Variants in ZFYVE26 observed in about 807,000 individuals in gnomAD.
The protein encoded by ZFYVE26 is zinc finger FYVE-type containing 26, also known as zinc finger FYVE domain-containing protein 26.
In ZFYVE26, 181 loss-of-function variants were observed where a neutral mutation model predicts 276.5. That is an observed-to-expected ratio of 0.65 (90% CI 0.58 to 0.74). The LOEUF (loss-of-function observed/expected upper bound fraction) is 0.74, where lower values mean the gene tolerates loss of function less well. Ranked by LOEUF, ZFYVE26 falls within the 30% of genes least tolerant of loss-of-function variation. The pLI, the probability that ZFYVE26 is intolerant of heterozygous loss-of-function variation, is 0.00. For synonymous variants in ZFYVE26, 1,129 were observed against 1,203.1 expected (o/e 0.94, Z 1.27); for missense variants, 2,821 against 3,097.9 (o/e 0.91, Z 2.12).
Position 67,783,092 on chromosome 14 carries a change from G to A in ZFYVE26, c.4060C>T (p.Arg1354Trp), listed in dbSNP as rs370890942. The A allele has an allele frequency of 2.2e-5, 35 of 1,613,044 alleles. No individual in the cohort carries two copies. The highest frequency in any genetic ancestry group is 5.3e-5 in the African/African-American group (4 of 75,026). Residue 1354 changes from arginine to tryptophan, a missense_variant, in exon 21 of 42, where the codon CGG becomes TGG. By Grantham distance (101) the Arg-to-Trp change is moderately radical. Transcript: ENST00000347230. ...EVPLAAEQVARECERLLEQFP... is the reference protein window; with the variant it reads ...EVPLAAEQVAWECERLLEQFP... ...TGTTCCAGAAGGCGCTCACACTCCCGGGCTACCTGCTCTGCAGCCAGAGGC... is the reference window on the plus strand; with the variant it reads ...TGTTCCAGAAGGCGCTCACACTCCCAGGCTACCTGCTCTGCAGCCAGAGGC...
At chr14:67,761,974 C>CT in intron 34 of ZFYVE26, 1 of 589,332 alleles carries the variant, frequency 1.7e-6, no homozygotes, top group East Asian at 2.9e-5. Context: ...TCATTTTTAT[C>CT]TTTTTAAAAA....
chr14:67,787,632 A>G (rs1029817438), intron 16 of ZFYVE26, among the ~76,000 whole-genome samples: 6 of 152,190 alleles, frequency 3.9e-5, no homozygotes, highest in African/African-American at 1.4e-4. Context: ...TTCCTCATTG[A>G]TTGACCTGAA....
chr14:67,789,657 T>C (rs1156949449), intron 15 of ZFYVE26, 59 bp from the exon 16 acceptor site: 2 of 1,609,338 alleles, frequency 1.2e-6, no homozygotes, highest in African/African-American at 2.7e-5. Context: ...ACTACAACTT[T>C]TATTAGGTAA....
intron 26 of ZFYVE26, 30 bp downstream of exon 26, chr14:67,775,830 A>G: frequency 6.2e-7 from 1 of 1,613,974 alleles, no homozygotes; most frequent in Non-Finnish European, 8.5e-7. Flanking sequence ...TCCTCCATGT[A>G]GAATCCCCTT....
rs970442327 is a variant in ZFYVE26 at position 67,805,233 on chromosome 14, A to C, written c.1255T>G (p.Cys419Gly). ...GGGCCATACCTGCTCTGCTGTATGC[A>C]CCACTCCAGGACCTCCAGGTGAGCC... is the stretch of plus-strand genomic sequence containing the variant. ...LWAHLEVLEW[C>G]IQQSSNPIPK... Residue 419 changes from cysteine (C) to glycine (G), a missense_variant, in exon 8 of 42, where the codon TGC (cysteine) becomes GGC (glycine). Cys to Gly is a radical substitution (Grantham distance 159). Transcript: ENST00000347230. 4.3e-6 allele frequency: 7 copies of C among 1,613,862 alleles called. No individual in the cohort carries two copies. In the Admixed American group the frequency reaches 6.7e-5, roughly 15 times the overall value.
chr14:67,778,802 G>T (rs2039420755), intron 23 of ZFYVE26, among the ~76,000 whole-genome samples: 1 of 149,154 alleles, frequency 6.7e-6, no homozygotes, highest in South Asian at 2.1e-4. Context: ...ATTCCCACAT[G>T]GTGGTGTCTG....
intron 12 of ZFYVE26, chr14:67,797,415 A>G: frequency 1.9e-6 from 1 of 530,796 alleles, no homozygotes; most frequent in South Asian, 2.1e-5. Flanking sequence ...ATATAAATGA[A>G]AAAAGCAAGC....
At position 67,768,525 on chromosome 14, in the gene ZFYVE26, T is replaced by C. The variant is rs778020099; in HGVS notation, c.5645A>G (p.Lys1882Arg). ...ACGGGATTTGGCCTTACCTTCTGGT[T>C]TTTCTGAAGGCTCCTCTGGTACACT... ...NKDVPEEPSE[K>R]PEALDSSKNE... The change falls in exon 30 of 42, where the codon AAA becomes AGA. Residue 1882 changes from lysine to arginine, a missense_variant. Lys to Arg is a conservative substitution (Grantham distance 26, BLOSUM62 2). Coordinates refer to ENST00000347230, the MANE Select transcript of ZFYVE26 (RefSeq NM_015346.4). 6.2e-7 allele frequency: 1 copy of C among 1,614,154 alleles called. No individual in the cohort carries two copies. Among genetic ancestry groups the C allele is most frequent in the South Asian group, 1.1e-5 (1 of 91,078 alleles).
At chr14:67,771,169 T>C (rs1309226112) in intron 28 of ZFYVE26, among the ~76,000 whole-genome samples, 7 of 152,120 alleles carry the variant, frequency 4.6e-5, no homozygotes, top group Non-Finnish European at 1.0e-4. Context: ...GTTGTTCCCC[T>C]TTTTCTGTCC....
chr14:67,786,292 A>AT, intron 16 of ZFYVE26, 59 bp from the exon 17 acceptor site: 1 of 1,358,596 alleles, frequency 7.4e-7, no homozygotes, highest in Non-Finnish European at 9.9e-7. Flanking sequence ...GTTTTCAGAG[A>AT]TTGACACTCA....
chr14:67,798,617 C>A lies in ZFYVE26; in HGVS notation c.1645G>T (p.Ala549Ser), dbSNP rs1453483451. ...GCCAGGTAAGTTGAGAAGAGATTTG[C>A]AGCACCTACAAAAACATGTACAAGA... is the stretch of plus-strand genomic sequence containing the variant. ...ANDSLSSPGA[A>S]NLFSTYLARC... Residue 549 changes from alanine (A) to serine (S), a missense_variant, in exon 11 of 42, where the codon GCA becomes TCA. Ala to Ser is a moderately conservative substitution (Grantham distance 99). Coordinates refer to ENST00000347230, the MANE Select transcript of ZFYVE26 (RefSeq NM_015346.4). The A allele has an allele frequency of 6.2e-7, 1 of 1,613,812 alleles. No homozygotes were observed. The highest frequency in any genetic ancestry group is 8.5e-7 in the Non-Finnish European group (1 of 1,180,026).
At chr14:67,729,149 TC>T in intron 14 of ZFYVE26, 1 of 1,599,254 alleles carries the variant, frequency 6.3e-7, no homozygotes, top group Non-Finnish European at 8.6e-7. Context: ...TTTCCTGGGC[TC>T]AGAGTGTGTC....
At chr14:67,764,650 T>C (rs2039012119) in intron 32 of ZFYVE26, among the ~76,000 whole-genome samples, 1 of 152,196 alleles carries the variant, frequency 6.6e-6, no homozygotes, top group Non-Finnish European at 1.5e-5. Context: ...ATGTGAGCAA[T>C]GAATCCACTC....
chr14:67,797,845 C>T lies in ZFYVE26; in HGVS notation c.2249-90G>A, dbSNP rs2039988821. ...CATAACAGGTTGGGGAAGGTTTGCA[C>T]TGGGCTCTGAGACATGGAGCATACC... is the stretch of plus-strand genomic sequence containing the variant. On this transcript the variant is annotated intron_variant, in intron 11 of 41. Coordinates refer to ENST00000347230, the MANE Select transcript of ZFYVE26 (RefSeq NM_015346.4). 5 of 1,583,576 alleles carry T rather than the reference C, an allele frequency of 3.2e-6. No individual in the cohort carries two copies. The Admixed American group carries it at 6.7e-5, about 21-fold the overall frequency.
chr14:67,798,602 T>C lies in ZFYVE26; in HGVS notation c.1660A>G (p.Thr554Ala), dbSNP rs1346995866. 2 of 1,613,786 alleles carry C rather than the reference T, an allele frequency of 1.2e-6. No individual in the cohort carries two copies. Among genetic ancestry groups the C allele is most frequent in the Admixed American group, 3.3e-5 (2 of 59,998 alleles). ...SSPGAANLFS[T>A]YLARCQQYLC... ...TACTGTTGACACCTGGCCAGGTAAG[T>C]TGAGAAGAGATTTGCAGCACCTACA... is the stretch of plus-strand genomic sequence containing the variant. Residue 554 changes from threonine to alanine, a missense_variant, in exon 11 of 42, where the codon ACT becomes GCT. Transcript: ENST00000347230.
At chr14:67,760,503 T>A (rs1238154297) in intron 35 of ZFYVE26, among the ~76,000 whole-genome samples, 1 of 152,210 alleles carries the variant, frequency 6.6e-6, no homozygotes, top group South Asian at 2.1e-4. Context: ...TTGAGCTCCT[T>A]CAATTTCCTA....
chr14:67,748,144 A>G lies in ZFYVE26; in HGVS notation c.*292T>C. The G allele has an allele frequency of 2.1e-6, 1 of 467,926 alleles. No homozygotes were observed. Among genetic ancestry groups the G allele is most frequent in the Non-Finnish European group, 3.9e-6 (1 of 256,274 alleles). 29.0% of individuals were successfully genotyped at this position (467,926 alleles called of 1,614,324 possible). A position where few individuals can be genotyped will look rare whatever the true frequency, so the allele number is the denominator to read the frequency against. On this transcript the variant is annotated 3_prime_UTR_variant, in exon 42 of 42. Coordinates refer to ENST00000347230, the MANE Select transcript of ZFYVE26 (RefSeq NM_015346.4). The stretch of plus-strand genomic sequence containing the variant: ...AATGCTTGGGCGTAAACATCAGCGC[A>G]CAGGAACATGCACACGTGTGTGCAC...
intron 41 of ZFYVE26, chr14:67,750,756 G>A (rs2038615829): frequency 2.3e-5 from 11 of 468,262 alleles, no homozygotes; most frequent in South Asian, 2.1e-4. Context: ...GATTTCCTAG[G>A]GCTCTCTGAG....
chr14:67,762,303 A>G lies in ZFYVE26; in HGVS notation c.6269T>C (p.Leu2090Pro). The G allele has an allele frequency of 6.2e-7, 1 of 1,614,198 alleles. No individual in the cohort carries two copies. Among genetic ancestry groups the G allele is most frequent in the Non-Finnish European group, 8.5e-7 (1 of 1,180,036 alleles). ...CTGATTGAGGTCAAATGGGGGCTTC[A>G]GACAGCGACTGAACTTCTCCCGTGC... ...TAAREKFSRC[L>P]KPPFDLNQLN... Residue 2090 changes from leucine (L) to proline (P), a missense_variant, in exon 34 of 42, where the codon CTG becomes CCG. Leu to Pro is a moderately conservative substitution (Grantham distance 98). Transcript: ENST00000347230.
Sources: gnomAD v4.1 joint callset for allele counts (sites outside exome capture counted in the v4.1 genomes callset) on GRCh38, gnomAD v4.1.1 for gene constraint, MANE v1.5 for transcripts, NCBI Gene and HGNC (gene_info 2026-07-23, HGNC 2026-07-21) for gene names.